The following RBM19 variants were observed in gnomAD, a reference collection of about 807,000 sequenced individuals.
RBM19 encodes the protein probable RNA-binding protein 19.
Under a neutral mutation model 116.8 loss-of-function variants are expected in RBM19, and 94 were observed. The ratio of observed to expected loss-of-function variants is 0.80; its 90% CI spans 0.68 to 0.95. The LOEUF (loss-of-function observed/expected upper bound fraction) is 0.95, where lower values mean the gene tolerates loss of function less well. Ranked by LOEUF, RBM19 falls within the 40% of genes least tolerant of loss-of-function variation. The pLI is 0.00. For synonymous variants in RBM19, 475 were observed against 494.1 expected (o/e 0.96, Z 0.51); for missense variants, 1,161 against 1,220.7 (o/e 0.95, Z 0.73).
At chr12:113,901,824 C>T (rs1881720753) in intron 21 of RBM19, among the ~76,000 whole-genome samples, 1 of 152,144 alleles carries the variant, frequency 6.6e-6, no homozygotes. Flanking sequence ...CCCAGGAATT[C>T]CTTCTTAAGC....
At chr12:113,929,881 C>T (rs1244349878) in intron 16 of RBM19, among the ~76,000 whole-genome samples, 1 of 152,126 alleles carries the variant, frequency 6.6e-6, no homozygotes, top group Non-Finnish European at 1.5e-5. Flanking sequence ...GTTGGTGAGA[C>T]AGGTTCATGG....
rs1872368193 is a variant in RBM19 at position 113,960,166 on chromosome 12, T to C, written c.232A>G (p.Lys78Glu). ...GGTTTGGCCGGGTCCCCGAATGACT[T>C]GCAGAACTCCACCTGTGTGGGAAAG... is the stretch of plus-strand genomic sequence containing the variant. ...DTSRITVEFCKSFGDPAKPRA... is the reference protein window; with the variant it reads ...DTSRITVEFCESFGDPAKPRA... The change falls in exon 3 of 24, where the codon AAG becomes GAG. Residue 78 changes from lysine (K) to glutamate (E), a missense_variant. Physicochemically the swap from Lys to Glu is moderately conservative, Grantham distance 56. Coordinates refer to ENST00000261741, the MANE Select transcript of RBM19 (RefSeq NM_016196.4). 1 of 1,613,542 alleles carries C rather than the reference T, an allele frequency of 6.2e-7. No individual in the cohort carries two copies. Among genetic ancestry groups the C allele is most frequent in the Admixed American group, 1.7e-5 (1 of 60,006 alleles).
At chr12:113,946,523 G>A (rs370250698) in intron 11 of RBM19, 48 bp from the exon 12 acceptor site, 20 of 1,611,550 alleles carry the variant, frequency 1.2e-5, no homozygotes, top group Admixed American at 1.7e-5. Context: ...TTGCCTGTAA[G>A]CCCTGCTTCC....
intron 21 of RBM19, among the ~76,000 whole-genome samples, chr12:113,860,967 C>G (rs1046196599): frequency 2.6e-5 from 4 of 152,200 alleles, no homozygotes; most frequent in South Asian, 2.1e-4. Context: ...CACCTACCCT[C>G]AGAGGGCGGT....
intron 21 of RBM19, among the ~76,000 whole-genome samples, chr12:113,865,684 T>C (rs1181035082): frequency 6.6e-6 from 1 of 152,198 alleles, no homozygotes; most frequent in Non-Finnish European, 1.5e-5. Flanking sequence ...GGGCAACATA[T>C]TCAGTCTTTC....
At chr12:113,865,680 C>A (rs779459393) in intron 21 of RBM19, among the ~76,000 whole-genome samples, 4 of 152,202 alleles carry the variant, frequency 2.6e-5, no homozygotes, top group Non-Finnish European at 5.9e-5. Flanking sequence ...TTGGGGGCAA[C>A]ATATTCAGTC....
chr12:113,871,126 A>G (rs1185458399), intron 21 of RBM19, among the ~76,000 whole-genome samples: 2 of 152,248 alleles, frequency 1.3e-5, no homozygotes, highest in African/African-American at 4.8e-5. Flanking sequence ...CTATGTGACT[A>G]CTACAGCCTG....
intron 8 of RBM19, 140 bp from the exon 9 acceptor site, chr12:113,950,294 G>C (rs1225296063): frequency 3.0e-6 from 2 of 673,046 alleles, no homozygotes; most frequent in African/African-American, 1.8e-5. Flanking sequence ...AAAATACAAA[G>C]GGTCTCCCTC....
chr12:113,827,536 G>A (rs935899461), intron 23 of RBM19, among the ~76,000 whole-genome samples: 3 of 151,886 alleles, frequency 2.0e-5, no homozygotes, highest in East Asian at 1.9e-4. Context: ...GGGGGGGTGC[G>A]TCGGGAGGAC....
Position 113,823,168 on chromosome 12 carries a change from G to T in RBM19, c.*56C>A. 1 of 1,514,148 alleles carries T rather than the reference G, an allele frequency of 6.6e-7. No homozygotes were observed. Among genetic ancestry groups the T allele is most frequent in the Non-Finnish European group, 9.0e-7 (1 of 1,106,854 alleles). 93.8% of individuals were successfully genotyped at this position (1,514,148 alleles called of 1,614,324 possible). A position where few individuals can be genotyped will look rare whatever the true frequency, so the allele number is the denominator to read the frequency against. ...CCACATGGTGGTGAGTGCAGAAGCTGGAGCGGCTGTCCCGGTCCCCAGGGC... is the reference window on the plus strand; with the variant it reads ...CCACATGGTGGTGAGTGCAGAAGCTTGAGCGGCTGTCCCGGTCCCCAGGGC... On this transcript the variant is annotated 3_prime_UTR_variant, in exon 24 of 24. Coordinates refer to ENST00000261741, the MANE Select transcript of RBM19 (RefSeq NM_016196.4).
intron 18 of RBM19, among the ~76,000 whole-genome samples, chr12:113,921,773 C>T (rs1389958134): frequency 6.6e-6 from 1 of 152,178 alleles, no homozygotes; most frequent in Non-Finnish European, 1.5e-5. Context: ...CATGTCTGTG[C>T]ACCTGTGAGA....
intron 21 of RBM19, among the ~76,000 whole-genome samples, chr12:113,892,688 T>C (rs1009720508): frequency 6.6e-6 from 1 of 152,148 alleles, no homozygotes; most frequent in Non-Finnish European, 1.5e-5. Flanking sequence ...GAAGAGAGAA[T>C]GCAGACAGCC....
At chr12:113,960,243 G>C (rs989064739) in intron 2 of RBM19, 65 bp from the exon 3 acceptor site, 1 of 1,605,744 alleles carries the variant, frequency 6.2e-7, no homozygotes, top group Non-Finnish European at 8.5e-7. Flanking sequence ...GCTGCCCTTC[G>C]GCACCTGGGA....
In RBM19 at chr12:113,927,194, T is replaced by C. The variant is rs1869165525; in HGVS notation, c.2104A>G (p.Thr702Ala). The C allele has an allele frequency of 3.2e-6, 5 of 1,577,350 alleles. No individual in the cohort carries two copies. Among genetic ancestry groups the C allele is most frequent in the African/African-American group, 2.7e-5 (2 of 74,122 alleles). ...GAAGAGTTGTCTGCTCCTTCCTCTG[T>C]TGGATTTTCATCTTCTGGGGTTTCG... is the stretch of plus-strand genomic sequence containing the variant. ...DGETPEDENPTEEGADNSSAK... is the reference protein window; with the variant it reads ...DGETPEDENPAEEGADNSSAK... Residue 702 changes from threonine (T) to alanine (A), a missense_variant, in exon 17 of 24, where the codon ACA becomes GCA. Coordinates refer to ENST00000261741, the MANE Select transcript of RBM19 (RefSeq NM_016196.4).
chr12:113,905,593 A>G (rs910201144), intron 21 of RBM19, among the ~76,000 whole-genome samples: 9 of 152,196 alleles, frequency 5.9e-5, no homozygotes, highest in African/African-American at 2.2e-4. Context: ...GGAAGGAGAA[A>G]GAATGACAGT....
chr12:113,912,378 C>T (rs142384032), intron 21 of RBM19, among the ~76,000 whole-genome samples: 207 of 152,336 alleles, frequency 1.4e-3, no homozygotes, highest in African/African-American at 4.4e-3. Flanking sequence ...ATAAATGACA[C>T]ACTCGCTGTC....
In RBM19 at chr12:113,823,109, G is replaced by C. The variant is rs1565955696; in HGVS notation, c.*115C>G. 2.1e-6 allele frequency: 2 copies of C among 937,136 alleles called. No individual in the cohort carries two copies. The highest frequency in any genetic ancestry group is 1.6e-6 in the Non-Finnish European group (1 of 625,862). 58.1% of individuals were successfully genotyped at this position (937,136 alleles called of 1,614,324 possible). ...TCCGACCTTGGACCAGTGCAGGGTG[G>C]GGCCGCCTGCCGCTCCCCGCCCCGC... On this transcript the variant is annotated 3_prime_UTR_variant, in exon 24 of 24. Coordinates refer to ENST00000261741, the MANE Select transcript of RBM19 (RefSeq NM_016196.4).
intron 21 of RBM19, among the ~76,000 whole-genome samples, chr12:113,895,330 G>C (rs982067032): frequency 1.3e-5 from 2 of 152,156 alleles, no homozygotes; most frequent in Non-Finnish European, 2.9e-5. Context: ...CAGGGAAGGT[G>C]AGCTGCTGGG....
Position 113,859,833 on chromosome 12 carries a change from C to T in RBM19, c.2559-937G>A, listed in dbSNP as rs148834000. Among the ~76,000 whole-genome samples the T allele has an allele frequency of 1.3e-3, 198 of 149,754 alleles. 1 individual carries two copies. Among genetic ancestry groups the T allele is most frequent in the African/African-American group, 2.3e-3 (94 of 40,948 alleles). On this transcript the variant is annotated intron_variant, in intron 21 of 23. Coordinates refer to ENST00000261741, the MANE Select transcript of RBM19 (RefSeq NM_016196.4). ...TTATTTGAAAATCTACACACACTTG[C>T]GGCTGCCTGGGCACACACACATATG... is the stretch of plus-strand genomic sequence containing the variant.
Sources: allele counts gnomAD v4.1 joint callset (sites outside exome capture counted in the v4.1 genomes callset), GRCh38; gene constraint gnomAD v4.1.1; transcripts MANE v1.5; gene names NCBI Gene and HGNC (gene_info 2026-07-23, HGNC 2026-07-21).